The following RBFOX1 variants were observed in gnomAD, a reference collection of about 807,000 sequenced individuals.
RBFOX1 encodes RNA binding fox-1 homolog 1.
RBFOX1 carries 8 observed loss-of-function variants against 57.7 expected under a neutral mutation model. That is an observed-to-expected ratio of 0.14 (90% CI 0.08 to 0.25). The LOEUF (loss-of-function observed/expected upper bound fraction) is 0.25. Among genes scored for constraint, RBFOX1 ranks in the 10% least tolerant of loss-of-function variants. The pLI is 1.00. For missense variants in RBFOX1, 611 were observed against 548.5 expected, an observed-to-expected ratio of 1.11 and a Z score of -1.14; for synonymous variants, 326 against 222.4, an observed-to-expected ratio of 1.47 and a Z score of -4.15.
rs372426603 is a variant in RBFOX1, at chr16:7,484,685, A to G, written c.28-33462A>G. 2.0e-5 allele frequency among the ~76,000 whole-genome samples: 3 copies of G among 152,264 alleles called. No individual in the cohort carries two copies. The East Asian group carries it at 5.8e-4, about 29-fold the overall frequency. ...CACCATGTTGGTCAGGCTGGTCTTG[A>G]ACTCCTGGCCTCAGGTGATCCGCTC... On this transcript the variant is annotated intron_variant, in intron 4 of 15. Coordinates refer to ENST00000550418, the MANE Select transcript of RBFOX1 (RefSeq NM_018723.4).
intron 3 of RBFOX1, among the ~76,000 whole-genome samples, chr16:5,860,197 C>T (rs1177351930): frequency 6.6e-6 from 1 of 152,146 alleles, no homozygotes; most frequent in Non-Finnish European, 1.5e-5. Flanking sequence ...ACTCTCCTGC[C>T]TCAGCCTCCT....
intron 1 of RBFOX1, among the ~76,000 whole-genome samples, chr16:6,215,905 G>A (rs2097332970): frequency 2.0e-5 from 3 of 152,144 alleles, no homozygotes; most frequent in Admixed American, 1.3e-4. Context: ...TGGTTGCAGT[G>A]GAGTAAAAGG....
intron 3 of RBFOX1, among the ~76,000 whole-genome samples, chr16:7,041,193 C>A (rs1187292901): frequency 6.6e-6 from 1 of 151,022 alleles, no homozygotes; most frequent in Non-Finnish European, 1.5e-5. Context: ...CTTGTCCTCC[C>A]AAAGTGCTGG....
At chr16:7,211,223 C>G (rs552023698) in intron 4 of RBFOX1, among the ~76,000 whole-genome samples, 1 of 151,660 alleles carries the variant, frequency 6.6e-6, no homozygotes, top group Non-Finnish European at 1.5e-5. Context: ...AACCCCGTCT[C>G]TACTAAAAAC....
In RBFOX1 at chr16:7,230,792, T is replaced by G. The variant is rs1452432902; in HGVS notation, c.27+178694T>G. Among the ~76,000 whole-genome samples, 3 of 152,336 alleles carry G rather than the reference T, an allele frequency of 2.0e-5. No individual in the cohort carries two copies. In the East Asian group the frequency reaches 5.8e-4, roughly 29 times the overall value. On this transcript the variant is annotated intron_variant, in intron 4 of 15. Transcript: ENST00000550418. The stretch of plus-strand genomic sequence containing the variant: ...ATTTCTGCTCTTCGGACATAAACTT[T>G]CCCCATTCTTTTTTGGTCAGTTTGT...
intron 3 of RBFOX1, among the ~76,000 whole-genome samples, chr16:6,821,869 G>GGTA (rs1486067413): frequency 6.6e-6 from 1 of 152,082 alleles, no homozygotes; most frequent in Admixed American, 6.6e-5. Context: ...AATTTTTGTG[G>GGTA]GTATATACCT....
At chr16:6,353,443 T>G (rs2086746209) in intron 2 of RBFOX1, among the ~76,000 whole-genome samples, 1 of 151,970 alleles carries the variant, frequency 6.6e-6, no homozygotes, top group Non-Finnish European at 1.5e-5. Flanking sequence ...TAACTTGTCA[T>G]TTATTTGATT....
intron 4 of RBFOX1, among the ~76,000 whole-genome samples, chr16:7,119,328 T>A (rs1303641054): frequency 6.6e-6 from 1 of 152,050 alleles, no homozygotes; most frequent in African/African-American, 2.4e-5. Flanking sequence ...ATTTATTGAG[T>A]CATCAGACTT....
rs117129916 is a variant in RBFOX1 at position 7,156,890 on chromosome 16, C to T, written c.27+104792C>T. On this transcript the variant is annotated intron_variant, in intron 4 of 15. Transcript: ENST00000550418. ...CATAGATATTGCTAATATTTGCCCT[C>T]CAAGAAAGTTTTATCCGTTTACATT... Among the ~76,000 whole-genome samples the T allele has an allele frequency of 5.7e-4, 87 of 152,260 alleles. 1 individual carries two copies. In the East Asian group the frequency reaches 0.016, roughly 28 times the overall value.
intron 2 of RBFOX1, among the ~76,000 whole-genome samples, chr16:6,461,975 T>G (rs1364659370): frequency 6.6e-6 from 1 of 152,222 alleles, no homozygotes; most frequent in Non-Finnish European, 1.5e-5. Context: ...GTTGAATGTT[T>G]CACACGATGC....
intron 4 of RBFOX1, among the ~76,000 whole-genome samples, chr16:5,941,140 C>T (rs926740843): frequency 1.3e-5 from 2 of 151,994 alleles, no homozygotes; most frequent in Non-Finnish European, 2.9e-5. Flanking sequence ...AAAAAGCGTT[C>T]AAATAAGACT....
intron 1 of RBFOX1, among the ~76,000 whole-genome samples, chr16:6,168,332 C>G (rs1015105400): frequency 1.3e-5 from 2 of 152,180 alleles, no homozygotes; most frequent in African/African-American, 4.8e-5. Context: ...CTGTTTTCAA[C>G]TTGTGCTTGT....
At chr16:5,959,783 G>C (rs919839061) in intron 4 of RBFOX1, among the ~76,000 whole-genome samples, 1 of 152,186 alleles carries the variant, frequency 6.6e-6, no homozygotes, top group Non-Finnish European at 1.5e-5. Context: ...CTGAACTCCA[G>C]CCTGGCTGAC....
At chr16:7,112,366 C>G (rs1323188717) in intron 4 of RBFOX1, among the ~76,000 whole-genome samples, 5 of 126,262 alleles carry the variant, frequency 4.0e-5, no homozygotes, top group Admixed American at 9.4e-5. Context: ...CCACACCTGG[C>G]TAATTTTTTG....
intron 3 of RBFOX1, among the ~76,000 whole-genome samples, chr16:6,683,849 G>T (rs983395983): frequency 2.6e-5 from 4 of 152,170 alleles, no homozygotes; most frequent in African/African-American, 9.7e-5. Flanking sequence ...TAACTTTGAA[G>T]CCTCAGCAAA....
At chr16:7,134,954 G>A (rs551489355) in intron 4 of RBFOX1, among the ~76,000 whole-genome samples, 24 of 151,050 alleles carry the variant, frequency 1.6e-4, no homozygotes, top group African/African-American at 5.8e-4. Context: ...TTGATTAGCC[G>A]CGTTCCAAGA....
chr16:5,984,970 ATATATATTTTTT>A (rs1460581891), intron 4 of RBFOX1, among the ~76,000 whole-genome samples: 53 of 53,186 alleles, frequency 1.0e-3, no homozygotes, highest in African/African-American at 3.4e-3. Flanking sequence ...ATATATATAT[ATATATATTTTTT>A]TTTTTTTTTT....
At chr16:6,726,872 A>T (rs933067414) in intron 3 of RBFOX1, among the ~76,000 whole-genome samples, 1 of 152,060 alleles carries the variant, frequency 6.6e-6, no homozygotes, top group Non-Finnish European at 1.5e-5. Context: ...TGGCTTGGGA[A>T]TTATTATTGG....
intron 4 of RBFOX1, among the ~76,000 whole-genome samples, chr16:7,192,912 T>C (rs1424066985): frequency 6.6e-6 from 1 of 152,206 alleles, no homozygotes; most frequent in Non-Finnish European, 1.5e-5. Flanking sequence ...CACCCTCTTC[T>C]GAGAACAATG....
Sources: gnomAD v4.1 joint callset for allele counts (sites outside exome capture counted in the v4.1 genomes callset) on GRCh38, gnomAD v4.1.1 for gene constraint, MANE v1.5 for transcripts, NCBI Gene and HGNC (gene_info 2026-07-23, HGNC 2026-07-21) for gene names.